Variants in GNAQ observed in about 807,000 individuals in gnomAD.
The protein encoded by GNAQ is G protein subunit alpha q.
In GNAQ, 8 loss-of-function variants were observed where a neutral mutation model predicts 43.9. That is an observed-to-expected ratio of 0.18 (90% CI 0.11 to 0.33). GNAQ has a LOEUF of 0.33. GNAQ is among the 10% of genes least tolerant of loss of function. The probability of loss-of-function intolerance (pLI) is 1.00; values close to 1 mark genes in which losing one functional copy is unlikely to be tolerated. For synonymous variants in GNAQ, 155 were observed against 170.7 expected (o/e 0.91, Z 0.71); for missense variants, 158 against 450.8 (o/e 0.35, Z 5.88).
intron 1 of GNAQ, among the ~76,000 whole-genome samples, chr9:78,001,730 T>C (rs1018707098): frequency 6.6e-6 from 1 of 152,160 alleles, no homozygotes; most frequent in Non-Finnish European, 1.5e-5. Flanking sequence ...TGTCTTATTT[T>C]TTACAACCCA....
At chr9:77,835,284 A>G (rs190131880) in intron 2 of GNAQ, among the ~76,000 whole-genome samples, 9 of 151,846 alleles carry the variant, frequency 5.9e-5, no homozygotes, top group Admixed American at 1.3e-4. Flanking sequence ...CCTACTAGAT[A>G]AGGGATCTAC....
At chr9:77,898,195 G>A (rs1177906208) in intron 2 of GNAQ, among the ~76,000 whole-genome samples, 1 of 152,092 alleles carries the variant, frequency 6.6e-6, no homozygotes, top group Non-Finnish European at 1.5e-5. Context: ...CCCACATGCT[G>A]TGCATTACTG....
At chr9:77,838,706 C>T (rs1194495109) in intron 2 of GNAQ, among the ~76,000 whole-genome samples, 3 of 152,100 alleles carry the variant, frequency 2.0e-5, no homozygotes, top group Admixed American at 6.6e-5. Context: ...GGGTGAGCCA[C>T]CGTGCCCGGC....
chr9:77,734,473 T>C (rs1212640578), intron 5 of GNAQ, among the ~76,000 whole-genome samples: 2 of 151,762 alleles, frequency 1.3e-5, no homozygotes, highest in Non-Finnish European at 2.9e-5. Flanking sequence ...TAAATAAGCA[T>C]GCAGAATGTC....
chr9:77,725,882 T>C (rs938390897), intron 6 of GNAQ, among the ~76,000 whole-genome samples: 1 of 152,220 alleles, frequency 6.6e-6, no homozygotes, highest in African/African-American at 2.4e-5. Context: ...ATGCTCTATC[T>C]GTTCTGCATC....
Position 77,829,316 on chromosome 9 carries a change from GTTC to G in GNAQ, c.322-13549_322-13547del, listed in dbSNP as rs558470962. 4.6e-5 allele frequency among the ~76,000 whole-genome samples: 7 copies of G among 152,128 alleles called. No individual in the cohort carries two copies. The South Asian group carries it at 8.3e-4, about 18-fold the overall frequency. On this transcript the variant is annotated intron_variant, in intron 2 of 6. Coordinates refer to ENST00000286548, the MANE Select transcript of GNAQ (RefSeq NM_002072.5). Reference sequence around the variant, plus strand: ...AATGCTATCAATAATCTTTTTTATTGTTCTTCTTCACATCCTTATAATTCAACA... The same window carrying G: ...AATGCTATCAATAATCTTTTTTATTGTTCTTCACATCCTTATAATTCAACA...
chr9:77,994,604 C>T (rs954216327), intron 1 of GNAQ, among the ~76,000 whole-genome samples: 2 of 152,142 alleles, frequency 1.3e-5, no homozygotes, highest in Non-Finnish European at 2.9e-5. Flanking sequence ...TTATGATCCA[C>T]CTCAATCACT....
chr9:77,845,779 C>A (rs113688146), intron 2 of GNAQ, among the ~76,000 whole-genome samples: 150 of 152,270 alleles, frequency 9.9e-4, no homozygotes, highest in Non-Finnish European at 2.0e-3. Context: ...AATCATCACT[C>A]GGCTTGAAGA....
chr9:78,001,129 G>A (rs1034784622), intron 1 of GNAQ, among the ~76,000 whole-genome samples: 13 of 152,162 alleles, frequency 8.5e-5, no homozygotes, highest in Non-Finnish European at 1.3e-4. Flanking sequence ...AGGTACGGTG[G>A]CTCATGCCTG....
intron 1 of GNAQ, among the ~76,000 whole-genome samples, chr9:77,922,729 T>C (rs1415367194): frequency 1.3e-5 from 2 of 152,184 alleles, no homozygotes; most frequent in Non-Finnish European, 2.9e-5. Flanking sequence ...GGACACTGGG[T>C]TGATTAGCCA....
At chr9:77,867,714 T>C (rs1013408629) in intron 2 of GNAQ, among the ~76,000 whole-genome samples, 1 of 152,128 alleles carries the variant, frequency 6.6e-6, no homozygotes, top group African/African-American at 2.4e-5. Context: ...CAAGTACATA[T>C]GTGCAGGAGA....
chr9:77,778,891 G>A (rs184142961), intron 5 of GNAQ, among the ~76,000 whole-genome samples: 1 of 152,004 alleles, frequency 6.6e-6, no homozygotes, highest in East Asian at 1.9e-4. Context: ...AATCCTTAAT[G>A]TGTATATCCC....
chr9:77,942,356 T>C (rs1019871574), intron 1 of GNAQ, among the ~76,000 whole-genome samples: 2 of 152,206 alleles, frequency 1.3e-5, no homozygotes, highest in East Asian at 3.8e-4. Flanking sequence ...TTGAATATTA[T>C]ATAATGGAAT....
chr9:78,031,078 C>T (rs1309874288), intron 1 of GNAQ, 22 bp downstream of exon 1: 4 of 1,438,074 alleles, frequency 2.8e-6, no homozygotes, highest in Admixed American at 2.5e-5. Context: ...AGAGGCCCGG[C>T]GGGGCCCCGG....
chr9:77,956,131 A>C (rs1005398097), intron 1 of GNAQ, among the ~76,000 whole-genome samples: 9 of 152,214 alleles, frequency 5.9e-5, no homozygotes, highest in Non-Finnish European at 1.0e-4. Flanking sequence ...ACCAGGACTT[A>C]TTCTAAAGTG....
At chr9:77,734,825 T>C (rs1283304012) in intron 5 of GNAQ, among the ~76,000 whole-genome samples, 1 of 152,146 alleles carries the variant, frequency 6.6e-6, no homozygotes, top group African/African-American at 2.4e-5. Flanking sequence ...AGTCCAGATA[T>C]ACAGACACAG....
chr9:77,806,694 T>C (rs944942702), intron 3 of GNAQ, among the ~76,000 whole-genome samples: 6 of 152,014 alleles, frequency 3.9e-5, no homozygotes, highest in Non-Finnish European at 5.9e-5. Context: ...TGAGAAGAAA[T>C]TAGGAAAGGT....
chr9:77,827,016 A>G (rs1432587607), intron 2 of GNAQ, among the ~76,000 whole-genome samples: 1 of 152,216 alleles, frequency 6.6e-6, no homozygotes, highest in Non-Finnish European at 1.5e-5. Context: ...AGAAAATGCC[A>G]TTTTAAATTC....
rs1037931053 is a variant in GNAQ, at chr9:77,741,683, G to C, written c.736-13016C>G. Among the ~76,000 whole-genome samples the C allele has an allele frequency of 3.9e-5, 6 of 152,058 alleles. No individual in the cohort carries two copies. The East Asian group carries it at 1.2e-3, about 29-fold the overall frequency. ...CCAGATGTTCTAATGCCATATATCT[G>C]GCATTTTAAACCAGTAAAATTACTG... On this transcript the variant is annotated intron_variant, in intron 5 of 6. Transcript: ENST00000286548.
Sources: gnomAD v4.1 joint callset for allele counts (sites outside exome capture counted in the v4.1 genomes callset) on GRCh38, gnomAD v4.1.1 for gene constraint, MANE v1.5 for transcripts, NCBI Gene and HGNC (gene_info 2026-07-23, HGNC 2026-07-21) for gene names.